The following MANBA variants were observed in gnomAD, a reference collection of about 807,000 sequenced individuals.
MANBA encodes beta-mannosidase.
MANBA carries 83 observed loss-of-function variants against 111.1 expected under a neutral mutation model. That is an observed-to-expected ratio of 0.75 (90% confidence interval 0.63 to 0.90). The LOEUF (loss-of-function observed/expected upper bound fraction) is 0.90, where lower values mean the gene tolerates loss of function less well. MANBA is among the 40% of genes least tolerant of loss of function. The pLI, the probability that MANBA is intolerant of heterozygous loss-of-function variation, is 0.00. For missense variants in MANBA, 1,036 were observed against 1,069.0 expected (o/e 0.97, Z 0.43); for synonymous variants, 370 against 378.7 (o/e 0.98, Z 0.27).
At position 102,690,579 on chromosome 4, in the gene MANBA, G is replaced by A. The variant is rs1560775787; in HGVS notation, c.849+17C>T. On this transcript the variant is annotated intron_variant, in intron 6 of 16. Transcript: ENST00000647097. Reference sequence around the variant, plus strand: ...TTGCTTTTCATCCAGTGCTTCTCAGGAAGTACCATCATTTACCTTGCTAAT... The same window carrying A: ...TTGCTTTTCATCCAGTGCTTCTCAGAAAGTACCATCATTTACCTTGCTAAT... The A allele has an allele frequency of 6.2e-7, 1 of 1,605,556 alleles. No individual in the cohort carries two copies. The highest frequency in any genetic ancestry group is 8.5e-7 in the Non-Finnish European group (1 of 1,173,940).
intron 14 of MANBA, 25 bp downstream of exon 14, chr4:102,639,688 G>T: frequency 6.2e-7 from 1 of 1,613,770 alleles, no homozygotes; most frequent in South Asian, 1.1e-5. Flanking sequence ...TCTCTCACTC[G>T]CACAAAGAAC....
intron 8 of MANBA, among the ~76,000 whole-genome samples, chr4:102,672,585 T>C (rs1350952264): frequency 1.3e-5 from 2 of 152,230 alleles, no homozygotes; most frequent in African/African-American, 4.8e-5. Context: ...CAAACCAACG[T>C]ACTTACCATC....
In MANBA at chr4:102,664,788, G is replaced by C. The variant is rs775701916; in HGVS notation, c.1382C>G (p.Ala461Gly). 6.2e-7 allele frequency: 1 copy of C among 1,609,558 alleles called. No homozygotes were observed. The highest frequency in any genetic ancestry group is 1.1e-5 in the South Asian group (1 of 90,980). ...IWSGNNENEE[A>G]LMMNWYHISF... ...GATATGATACCAATTCATCATCAGC[G>C]CCTCCTCATTTTCATTATTGCCACT... is the stretch of plus-strand genomic sequence containing the variant. Residue 461 changes from alanine to glycine, a missense_variant, in exon 11 of 17, where the codon GCG becomes GGG. Coordinates refer to ENST00000647097, the MANE Select transcript of MANBA (RefSeq NM_005908.4).
intron 8 of MANBA, among the ~76,000 whole-genome samples, chr4:102,672,725 T>G (rs1027688327): frequency 5.3e-5 from 8 of 152,162 alleles, no homozygotes; most frequent in African/African-American, 2.4e-5. Flanking sequence ...CATTAGATTC[T>G]CATAGGAGCA....
In MANBA at chr4:102,722,648, G is replaced by T. The variant is rs113672213; in HGVS notation, c.549+223C>A. ...TTTCCTTTCTTTTTCTGTTACCTAA[G>T]TTCTGAACACGCTTCAGGAAGAAAA... On this transcript the variant is annotated intron_variant, in intron 4 of 16. Coordinates refer to ENST00000647097, the MANE Select transcript of MANBA (RefSeq NM_005908.4). 1.7e-3 allele frequency: 948 copies of T among 551,914 alleles called. 4 individuals are homozygous for T. The highest frequency in any genetic ancestry group is 1.5e-3 in the Non-Finnish European group (473 of 309,214). The allele number at this position is 551,914 out of a possible 1,614,324, so 34.2% of individuals were successfully genotyped here.
intron 7 of MANBA, among the ~76,000 whole-genome samples, chr4:102,680,057 T>C (rs17033150): frequency 0.044 from 6,668 of 152,260 alleles, 460 homozygotes; most frequent in African/African-American, 0.15. Context: ...GGGACAACAA[T>C]TGGGGCGTTT....
chr4:102,734,220 G>C, intron 1 of MANBA: 1 of 739,204 alleles, frequency 1.4e-6, no homozygotes, highest in South Asian at 2.0e-5. Context: ...GGTTATGTGA[G>C]AACCCTCTGT....
At chr4:102,654,572 T>C (rs901199753) in intron 12 of MANBA, among the ~76,000 whole-genome samples, 2 of 152,206 alleles carry the variant, frequency 1.3e-5, no homozygotes, top group Non-Finnish European at 2.9e-5. Flanking sequence ...ATACAACTGA[T>C]GCAGGGGGAG....
At chr4:102,727,240 G>A in intron 1 of MANBA, 1 of 456,806 alleles carries the variant, frequency 2.2e-6, no homozygotes, top group African/African-American at 2.0e-5. Context: ...AGGAAAATCT[G>A]GGTTTCATGT....
intron 5 of MANBA, among the ~76,000 whole-genome samples, chr4:102,700,208 C>A (rs1362734236): frequency 6.6e-6 from 1 of 151,436 alleles, no homozygotes; most frequent in Non-Finnish European, 1.5e-5. Context: ...GGTGATATCC[C>A]CTTTATCATT....
At position 102,669,034 on chromosome 4, in the gene MANBA, T is replaced by C. The variant is rs749495123; in HGVS notation, c.1246A>G (p.Met416Val). The C allele has an allele frequency of 1.2e-6, 2 of 1,612,092 alleles. No individual in the cohort carries two copies. The highest frequency in any genetic ancestry group is 2.7e-5 in the African/African-American group (2 of 74,892). ...ELGIMVWQDFMFACALYPTDQ... is the reference protein window; with the variant it reads ...ELGIMVWQDFVFACALYPTDQ... ...GTTGGATAAAGGGCACAGGCAAACA[T>C]AAAATCCTGCCATACCTAGCAAATC... The change falls in exon 10 of 17, where the codon ATG becomes GTG. Residue 416 changes from methionine to valine, a missense_variant. Transcript: ENST00000647097.
At chr4:102,691,623 A>C (rs2110244930) in intron 5 of MANBA, among the ~76,000 whole-genome samples, 1 of 150,638 alleles carries the variant, frequency 6.6e-6, no homozygotes, top group South Asian at 2.1e-4. Context: ...CTCCTGCCTC[A>C]GCCTTCTGAG....
chr4:102,662,430 C>T (rs1731006511), intron 11 of MANBA, among the ~76,000 whole-genome samples: 1 of 151,692 alleles, frequency 6.6e-6, no homozygotes, highest in South Asian at 2.1e-4. Flanking sequence ...ATCCCAGCTA[C>T]TCGGGAGGCT....
intron 15 of MANBA, 86 bp from the exon 16 acceptor site, chr4:102,635,131 C>T: frequency 1.4e-6 from 2 of 1,473,036 alleles, no homozygotes; most frequent in Non-Finnish European, 1.9e-6. Flanking sequence ...TGCTGAAAGT[C>T]AGGTTAGCAG....
At chr4:102,665,777 A>G (rs1482898630) in intron 10 of MANBA, 1 of 152,154 alleles carries the variant, frequency 6.6e-6, no homozygotes, top group Non-Finnish European at 1.5e-5. Flanking sequence ...TTCTTTTGGA[A>G]CATGTTTTGG....
intron 5 of MANBA, among the ~76,000 whole-genome samples, chr4:102,712,952 A>G (rs1179757845): frequency 6.6e-6 from 1 of 152,202 alleles, no homozygotes; most frequent in Non-Finnish European, 1.5e-5. Context: ...GTTGGATTAC[A>G]CCTCAGAAGA....
chr4:102,744,725 C>T (rs1723529426), intron 1 of MANBA, among the ~76,000 whole-genome samples: 1 of 152,220 alleles, frequency 6.6e-6, no homozygotes, highest in South Asian at 2.1e-4. Context: ...CTGTCTTCTG[C>T]ACAGGTCAAA....
intron 1 of MANBA, among the ~76,000 whole-genome samples, chr4:102,734,847 A>G (rs1373875093): frequency 6.6e-6 from 1 of 152,148 alleles, no homozygotes; most frequent in Non-Finnish European, 1.5e-5. Context: ...GGGGACTGAA[A>G]CACACTGTGA....
At chr4:102,730,676 G>A (rs935272292) in intron 1 of MANBA, 7 of 537,878 alleles carry the variant, frequency 1.3e-5, no homozygotes, top group East Asian at 5.4e-5. Context: ...TGCTTCTTCC[G>A]GGCTTGTAAT....
Sources: allele counts gnomAD v4.1 joint callset (sites outside exome capture counted in the v4.1 genomes callset), GRCh38; gene constraint gnomAD v4.1.1; transcripts MANE v1.5; gene names NCBI Gene and HGNC (gene_info 2026-07-23, HGNC 2026-07-21).